Variants in WFDC6 observed in about 807,000 individuals in gnomAD.
WFDC6 encodes WAP four-disulfide core domain protein 6.
Under a neutral mutation model 8.2 loss-of-function variants are expected in WFDC6, and 10 were observed. That is an observed-to-expected ratio of 1.22 (90% CI 0.75 to 2.07). WFDC6 has a LOEUF of 2.07. WFDC6 is among the 30% of genes most tolerant of loss of function. The probability of loss-of-function intolerance (pLI) is 0.00; values close to 1 mark genes in which losing one functional copy is unlikely to be tolerated. For missense variants in WFDC6, 105 were observed against 104.9 expected, an observed-to-expected ratio of 1.00 and a Z score of 0.00; for synonymous variants, 28 against 37.0, an observed-to-expected ratio of 0.76 and a Z score of 0.88.
At chr20:45,538,588 G>T (rs1600871685) in intron 1 of WFDC6, among the ~76,000 whole-genome samples, 1 of 152,302 alleles carries the variant, frequency 6.6e-6, no homozygotes, top group South Asian at 2.1e-4. Flanking sequence ...TCGTCAAACT[G>T]CCTGGGGCAA....
intron 2 of WFDC6, among the ~76,000 whole-genome samples, chr20:45,534,879 G>T (rs548520401): frequency 1.3e-5 from 2 of 152,332 alleles, no homozygotes; most frequent in Admixed American, 1.3e-4. Flanking sequence ...GGTGCCCAGG[G>T]CTGGGCTGGG....
rs977553638 is a variant in WFDC6 at position 45,538,195 on chromosome 20, C to T, written c.92-101G>A. 17 of 1,579,788 alleles carry T rather than the reference C, an allele frequency of 1.1e-5. No individual in the cohort carries two copies. In the African/African-American group the frequency reaches 2.0e-4, roughly 19 times the overall value. ...CTCCAGAGTTAGAGAACTTTGTTTC[C>T]ACTTCACCTATCCCCAGAAGGTAGT... is the stretch of plus-strand genomic sequence containing the variant. On this transcript the variant is annotated intron_variant, in intron 1 of 2. Coordinates refer to ENST00000372670, the MANE Select transcript of WFDC6 (RefSeq NM_080827.2).
rs773196887 is a variant in WFDC6, at chr20:45,539,304, TC to T, written c.91+12del. 6.2e-7 allele frequency: 1 copy of T among 1,613,156 alleles called. No individual in the cohort carries two copies. Among genetic ancestry groups the T allele is most frequent in the South Asian group, 1.1e-5 (1 of 91,050 alleles). ...CCTTTCCCCATTGCAAGGACGGAGT[TC>T]CCAATACTTACTGCCAAGGATGCCT... On this transcript the variant is annotated intron_variant, in intron 1 of 2. Transcript: ENST00000372670.
rs376183379 is a variant in WFDC6 at position 45,538,017 on chromosome 20, T to C, written c.169A>G (p.Asn57Asp). Residue 57 changes from asparagine (N) to aspartate (D), a missense_variant, in exon 2 of 3, where the codon AAC (asparagine) becomes GAC (aspartate). Asn to Asp is a conservative substitution (Grantham distance 23). Coordinates refer to ENST00000372670, the MANE Select transcript of WFDC6 (RefSeq NM_080827.2). ...CGGCTGAACGGGCAACACTTCATGTTTTCTGGGCAATCTCTGGGTTTGGTA... is the reference window on the plus strand; with the variant it reads ...CGGCTGAACGGGCAACACTTCATGTCTTCTGGGCAATCTCTGGGTTTGGTA... ...QCTKPRDCPE[N>D]MKCCPFSRGK... The C allele has an allele frequency of 5.0e-5, 80 of 1,613,934 alleles. No homozygotes were observed. Among genetic ancestry groups the C allele is most frequent in the Non-Finnish European group, 8.5e-6 (10 of 1,179,950 alleles).
Position 45,538,071 on chromosome 20 carries a change from C to T in WFDC6, c.115G>A (p.Glu39Lys), listed in dbSNP as rs765307597. The part of the protein sequence containing the change: ...LGKPCPKIKV[E>K]CEVEEIDQCT... The stretch of plus-strand genomic sequence containing the variant: ...TGGTCTATTTCTTCCACTTCGCATT[C>T]CACTTTGATTTTGGGACACGGCTCT... Residue 39 changes from glutamate (E) to lysine (K), a missense_variant, in exon 2 of 3, where the codon GAA (glutamate) becomes AAA (lysine). By Grantham distance (56) the Glu-to-Lys change is moderately conservative (BLOSUM62 1). Coordinates refer to ENST00000372670, the MANE Select transcript of WFDC6 (RefSeq NM_080827.2). 2.8e-5 allele frequency: 45 copies of T among 1,613,948 alleles called. No individual in the cohort carries two copies. Among genetic ancestry groups the T allele is most frequent in the Non-Finnish European group, 3.6e-5 (42 of 1,179,910 alleles).
chr20:45,537,248 C>T, intron 2 of WFDC6: 1 of 456,610 alleles, frequency 2.2e-6, no homozygotes, highest in Non-Finnish European at 4.0e-6. Flanking sequence ...AGAGCCTTTG[C>T]ACATCCTATT....
rs775817214 is a variant in WFDC6 at position 45,534,454 on chromosome 20, C to A, written c.*13G>T. On this transcript the variant is annotated 3_prime_UTR_variant, in exon 3 of 3. Transcript: ENST00000372670. ...GTGGAGAGAGGCCTGGATTATGAGCCAAATCCTGGAGGTTATTCAAGCTCC... is the reference window on the plus strand; with the variant it reads ...GTGGAGAGAGGCCTGGATTATGAGCAAAATCCTGGAGGTTATTCAAGCTCC... 3 of 1,613,974 alleles carry A rather than the reference C, an allele frequency of 1.9e-6. No homozygotes were observed. In the South Asian group the frequency reaches 3.3e-5, roughly 18 times the overall value.
At chr20:45,535,675 C>T (rs144459647) in intron 2 of WFDC6, among the ~76,000 whole-genome samples, 14 of 152,232 alleles carry the variant, frequency 9.2e-5, no homozygotes, top group East Asian at 5.8e-4. Flanking sequence ...TATTTCCTTC[C>T]GGCTGCTTTC....
At chr20:45,535,601 T>TCCTTG (rs1242260515) in intron 2 of WFDC6, among the ~76,000 whole-genome samples, 2 of 152,354 alleles carry the variant, frequency 1.3e-5, no homozygotes, top group East Asian at 3.9e-4. Context: ...GGCTTCTTTT[T>TCCTTG]CCTTGCCTCC....
chr20:45,537,819 G>A (rs996049893), intron 2 of WFDC6, 145 bp downstream of exon 2: 2 of 1,460,192 alleles, frequency 1.4e-6, no homozygotes, highest in African/African-American at 2.8e-5. Flanking sequence ...CCAAGTCCAG[G>A]ACTGGCAGAT....
At chr20:45,534,827 G>T (rs953480982) in intron 2 of WFDC6, among the ~76,000 whole-genome samples, 16 of 152,224 alleles carry the variant, frequency 1.1e-4, no homozygotes, top group African/African-American at 3.9e-4. Flanking sequence ...TAGCAACAAG[G>T]TTTAGTGAGA....
chr20:45,538,425 G>A (rs1979456631), intron 1 of WFDC6, among the ~76,000 whole-genome samples: 2 of 152,152 alleles, frequency 1.3e-5, no homozygotes, highest in East Asian at 1.9e-4. Flanking sequence ...TGTGGCTCTC[G>A]ATGATTGAGA....
Position 45,534,365 on chromosome 20 carries a change from TC to T in WFDC6, c.*101del, listed in dbSNP as rs1411595053. The T allele has an allele frequency of 2.9e-6, 4 of 1,364,912 alleles. No homozygotes were observed. The highest frequency in any genetic ancestry group is 4.2e-6 in the Non-Finnish European group (4 of 953,706). 84.6% of individuals were successfully genotyped at this position (1,364,912 alleles called of 1,614,324 possible). On this transcript the variant is annotated 3_prime_UTR_variant, in exon 3 of 3. Transcript: ENST00000372670. ...AAAGTGTGTAAGCAATTCCTGGGGT[TC>T]AGTTTCTGGAACAGCCAAGGTTTGG...
intron 2 of WFDC6, chr20:45,537,534 T>C (rs1298404941): frequency 6.5e-7 from 1 of 1,548,848 alleles, no homozygotes; most frequent in African/African-American, 1.4e-5. Context: ...ATCCTGGATT[T>C]ATGTAGACAG....
In WFDC6 at chr20:45,538,237, A is replaced by G. The variant is rs1979446627; in HGVS notation, c.92-143T>C. 3 of 1,444,726 alleles carry G rather than the reference A, an allele frequency of 2.1e-6. No individual in the cohort carries two copies. The African/African-American group carries it at 4.3e-5, about 21-fold the overall frequency. The allele number at this position is 1,444,726 out of a possible 1,614,324, so 89.5% of individuals were successfully genotyped here. A position where few individuals can be genotyped will look rare whatever the true frequency, so the allele number is the denominator to read the frequency against. Reference sequence around the variant, plus strand: ...GAAGGTAGTGGCCCTCAGGGGGCTCAGGAATTTCACAACACTGCTCACATC... The same window carrying G: ...GAAGGTAGTGGCCCTCAGGGGGCTCGGGAATTTCACAACACTGCTCACATC... On this transcript the variant is annotated intron_variant, in intron 1 of 2. Coordinates refer to ENST00000372670, the MANE Select transcript of WFDC6 (RefSeq NM_080827.2).
Position 45,538,036 on chromosome 20 carries a change from T to A in WFDC6, c.150A>T (p.Lys50Asn). Residue 50 changes from lysine to asparagine, a missense_variant, in exon 2 of 3, where the codon AAA becomes AAT. Lys to Asn is a moderately conservative substitution (Grantham distance 94). Transcript: ENST00000372670. ...CEVEEIDQCT[K>N]PRDCPENMKC... Reference sequence around the variant, plus strand: ...TCATGTTTTCTGGGCAATCTCTGGGTTTGGTACACTGGTCTATTTCTTCCA... The same window carrying A: ...TCATGTTTTCTGGGCAATCTCTGGGATTGGTACACTGGTCTATTTCTTCCA... 3 of 1,614,004 alleles carry A rather than the reference T, an allele frequency of 1.9e-6. No homozygotes were observed. The highest frequency in any genetic ancestry group is 2.5e-6 in the Non-Finnish European group (3 of 1,179,926).
Position 45,539,361 on chromosome 20 carries a change from A to G in WFDC6, c.47T>C (p.Leu16Ser), listed in dbSNP as rs761262379. 6.2e-7 allele frequency: 1 copy of G among 1,613,872 alleles called. No individual in the cohort carries two copies. Among genetic ancestry groups the G allele is most frequent in the East Asian group, 2.2e-5 (1 of 44,884 alleles). Residue 16 changes from leucine (L) to serine (S), a missense_variant, in exon 1 of 3, where the codon TTG (leucine) becomes TCG (serine). Leu to Ser is a moderately radical substitution (Grantham distance 145, BLOSUM62 -2). Transcript: ENST00000372670. ...GTGCCCAGGTTCCTGGATGTCCCCC[A>G]AAAGGATGAATGGTACCAGGATTGG... ...LLPILVPFIL[L>S]GDIQEPGHAE...
chr20:45,534,948 A>G (rs537966709), intron 2 of WFDC6, among the ~76,000 whole-genome samples: 2 of 152,240 alleles, frequency 1.3e-5, no homozygotes, highest in South Asian at 4.1e-4. Flanking sequence ...TTTTCTCTCT[A>G]CACCCACTAC....
At chr20:45,538,293 C>A (rs1277229432) in intron 1 of WFDC6, among the ~76,000 whole-genome samples, 199 bp from the exon 2 acceptor site, 1 of 152,164 alleles carries the variant, frequency 6.6e-6, no homozygotes, top group Non-Finnish European at 1.5e-5. Flanking sequence ...CCATCGGATG[C>A]CTAAACCAAC....
Sources: gnomAD v4.1 joint callset for allele counts (sites outside exome capture counted in the v4.1 genomes callset) on GRCh38, gnomAD v4.1.1 for gene constraint, MANE v1.5 for transcripts, NCBI Gene and HGNC (gene_info 2026-07-23, HGNC 2026-07-21) for gene names.